Variants in PIGV observed in about 807,000 individuals in gnomAD.
PIGV encodes the protein GPI alpha-1,6-mannosyltransferase 2.
A neutral mutation model predicts 39.2 loss-of-function variants in PIGV; 27 were observed. The observed-to-expected ratio is 0.69, with a 90% confidence interval of 0.51 to 0.95. PIGV has a LOEUF of 0.95. Among genes scored for constraint, PIGV ranks in the 40% least tolerant of loss-of-function variants. The pLI is 0.00. For missense variants in PIGV, 523 were observed against 586.4 expected, an observed-to-expected ratio of 0.89 and a Z score of 1.12; for synonymous variants, 232 against 241.7, an observed-to-expected ratio of 0.96 and a Z score of 0.37.
intron 2 of PIGV, among the ~76,000 whole-genome samples, chr1:26,791,429 C>T (rs2081308471): frequency 6.6e-6 from 1 of 152,208 alleles, no homozygotes; most frequent in South Asian, 2.1e-4. Flanking sequence ...TGCCCGTTTG[C>T]AGCTCCCTTT....
Position 26,794,711 on chromosome 1 carries a change from C to T in PIGV, c.677C>T (p.Thr226Met), listed in dbSNP as rs942066811. The change falls in exon 3 of 4, where the codon ACG becomes ATG. Residue 226 changes from threonine (T) to methionine (M), a missense_variant. Thr to Met is a moderately conservative substitution (Grantham distance 81, BLOSUM62 -1). Transcript: ENST00000674202. The stretch of plus-strand genomic sequence containing the variant: ...TGCCAAGGCTTTTTCTCTTCTCTAA[C>T]GATGCTGAATCCTCTGAGACAGCTC... ...SQCQGFFSSL[T>M]MLNPLRQLFK... 7 of 1,614,100 alleles carry T rather than the reference C, an allele frequency of 4.3e-6. No individual in the cohort carries two copies. Among genetic ancestry groups the T allele is most frequent in the South Asian group, 3.3e-5 (3 of 91,088 alleles).
At position 26,794,610 on chromosome 1, in the gene PIGV, T is replaced by A; in HGVS notation, c.576T>A (p.Ser192Arg). 1 of 1,614,250 alleles carries A rather than the reference T, an allele frequency of 6.2e-7. No individual in the cohort carries two copies. Among genetic ancestry groups the A allele is most frequent in the Non-Finnish European group, 8.5e-7 (1 of 1,180,030 alleles). Residue 192 changes from serine (S) to arginine (R), a missense_variant, in exon 3 of 4, where the codon AGT becomes AGA. By Grantham distance (110) the Ser-to-Arg change is moderately radical. Transcript: ENST00000674202. ...GQLERGRVWT[S>R]VLLFAFATGV... The stretch of plus-strand genomic sequence containing the variant: ...TGGAGAGGGGCCGAGTCTGGACTAG[T>A]GTACTCCTCTTTGCCTTTGCCACTG...
chr1:26,794,658 C>G lies in PIGV; in HGVS notation c.624C>G (p.Val208=). 1 of 1,614,232 alleles carries G rather than the reference C, an allele frequency of 6.2e-7. No homozygotes were observed. The highest frequency in any genetic ancestry group is 1.1e-5 in the South Asian group (1 of 91,078). Residue 208 remains valine (V), a synonymous_variant, in exon 3 of 4, where the codon GTC becomes GTG. Coordinates refer to ENST00000674202, the MANE Select transcript of PIGV (RefSeq NM_017837.4). The stretch of plus-strand genomic sequence containing the variant: ...CTGGGGTACGCTCCAACGGGCTGGT[C>G]AGTGTTGGCTTCCTCATGCATTCTC... ...FATGVRSNGL[V]SVGFLMHSQC...
chr1:26,789,452 G>A (rs1239937944), intron 1 of PIGV, among the ~76,000 whole-genome samples: 2 of 152,192 alleles, frequency 1.3e-5, no homozygotes, highest in Non-Finnish European at 2.9e-5. Context: ...CTCTTGACAT[G>A]AGATATGATG....
chr1:26,795,478 T>C (rs1244071175), intron 3 of PIGV, among the ~76,000 whole-genome samples: 3 of 151,992 alleles, frequency 2.0e-5, no homozygotes, highest in Non-Finnish European at 4.4e-5. Flanking sequence ...TTTGGGAGGC[T>C]GAGGTGGGTG....
At chr1:26,791,168 T>G (rs916529743) in intron 2 of PIGV, among the ~76,000 whole-genome samples, 1 of 152,174 alleles carries the variant, frequency 6.6e-6, no homozygotes, top group African/African-American at 2.4e-5. Flanking sequence ...TTTGACCCCA[T>G]GTTTCCTAAC....
chr1:26,794,348 T>TA lies in PIGV; in HGVS notation c.315dup (p.Arg106ThrfsTer31), dbSNP rs748608427. 20 of 1,614,104 alleles carry TA rather than the reference T, an allele frequency of 1.2e-5. No homozygotes were observed. Among genetic ancestry groups the TA allele is most frequent in the Non-Finnish European group, 1.6e-5 (19 of 1,180,020 alleles). On this transcript the variant is annotated frameshift_variant, in exon 3 of 4. Coordinates refer to ENST00000674202, the MANE Select transcript of PIGV (RefSeq NM_017837.4). LOFTEE classifies it high-confidence loss of function. ...GTGGGGACTGAACTGTTGAGACCCT[T>TA]ACGGGGGTTACTGAGTCTACGCAGT... is the stretch of plus-strand genomic sequence containing the variant.
Position 26,799,270 on chromosome 1 carries a change from G to A in PIGV, c.*1426G>A, listed in dbSNP as rs191697246. On this transcript the variant is annotated 3_prime_UTR_variant, in exon 4 of 4. Coordinates refer to ENST00000674202, the MANE Select transcript of PIGV (RefSeq NM_017837.4). Reference sequence around the variant, plus strand: ...CATGGGTCAGAGGCGCCAACACGGCGGCAGGAATTGGTAAATTGTACGTAA... The same window carrying A: ...CATGGGTCAGAGGCGCCAACACGGCAGCAGGAATTGGTAAATTGTACGTAA... 5.4e-4 allele frequency among the ~76,000 whole-genome samples: 82 copies of A among 152,274 alleles called. No individual in the cohort carries two copies. Among genetic ancestry groups the A allele is most frequent in the African/African-American group, 1.5e-3 (62 of 41,554 alleles).
In PIGV at chr1:26,797,813, T is replaced by A; in HGVS notation, c.1451T>A (p.Leu484His). The A allele has an allele frequency of 2.5e-6, 4 of 1,614,188 alleles. No individual in the cohort carries two copies. Among genetic ancestry groups the A allele is most frequent in the Non-Finnish European group, 3.4e-6 (4 of 1,180,014 alleles). Residue 484 changes from leucine (L) to histidine (H), a missense_variant, in exon 4 of 4, where the codon CTC (leucine) becomes CAC (histidine). Transcript: ENST00000674202. ...CTGACTTACTGGCTCCTGGGACTAC[T>A]CCTACATTGCAACTTCCTGCCTTGG... is the stretch of plus-strand genomic sequence containing the variant. ...YFLTYWLLGLLLHCNFLPWT is the reference protein window; with the variant it reads ...YFLTYWLLGLHLHCNFLPWT
upstream of PIGV, among the ~76,000 whole-genome samples, chr1:26,787,157 G>A (rs529000019): frequency 6.6e-6 from 1 of 152,348 alleles, no homozygotes; most frequent in South Asian, 2.1e-4. Context: ...AACGGAGAAG[G>A]ATTTATCATC....
intron 3 of PIGV, 86 bp downstream of exon 3, chr1:26,795,320 G>C: frequency 6.9e-7 from 1 of 1,448,684 alleles, no homozygotes; most frequent in Non-Finnish European, 9.6e-7. Context: ...AACATCTCCC[G>C]TTTGAGTGAT....
At chr1:26,792,191 C>T (rs2081318402) in intron 2 of PIGV, among the ~76,000 whole-genome samples, 1 of 152,008 alleles carries the variant, frequency 6.6e-6, no homozygotes, top group Non-Finnish European at 1.5e-5. Context: ...TCGCCCTGTC[C>T]CCCCAGGCTG....
At chr1:26,789,929 A>G (rs2081289241) in intron 1 of PIGV, among the ~76,000 whole-genome samples, 1 of 152,124 alleles carries the variant, frequency 6.6e-6, no homozygotes, top group Non-Finnish European at 1.5e-5. Context: ...GACTCCTTTT[A>G]GCTCAAGGAA....
At chr1:26,792,742 G>A (rs1394715959) in intron 2 of PIGV, among the ~76,000 whole-genome samples, 2 of 152,226 alleles carry the variant, frequency 1.3e-5, no homozygotes, top group Non-Finnish European at 2.9e-5. Flanking sequence ...GTCTCTGTCA[G>A]TGACAGCTAA....
intron 3 of PIGV, among the ~76,000 whole-genome samples, chr1:26,796,646 G>C (rs1427227462): frequency 6.6e-6 from 1 of 152,206 alleles, no homozygotes; most frequent in Non-Finnish European, 1.5e-5. Context: ...AAACACGAGG[G>C]TTGTGAAAGG....
At chr1:26,796,316 C>T (rs1305309028) in intron 3 of PIGV, among the ~76,000 whole-genome samples, 1 of 151,954 alleles carries the variant, frequency 6.6e-6, no homozygotes, top group Non-Finnish European at 1.5e-5. Context: ...CTACAGGCAC[C>T]TGCCACCATG....
At position 26,797,634 on chromosome 1, in the gene PIGV, A is replaced by G. The variant is rs1356659073; in HGVS notation, c.1272A>G (p.Gln424=). The G allele has an allele frequency of 6.2e-7, 1 of 1,614,066 alleles. No individual in the cohort carries two copies. The highest frequency in any genetic ancestry group is 1.1e-5 in the South Asian group (1 of 91,084). ...TTCCAGCTCACTTGCTTCAGGATCAAGAGCCGCTGTTGAGATCCTTAAAGA... is the reference window on the plus strand; with the variant it reads ...TTCCAGCTCACTTGCTTCAGGATCAGGAGCCGCTGTTGAGATCCTTAAAGA... ...YWFPAHLLQD[Q]EPLLRSLKTV... The change falls in exon 4 of 4, where the codon CAA becomes CAG. Residue 424 remains glutamine (Q), a synonymous_variant. Coordinates refer to ENST00000674202, the MANE Select transcript of PIGV (RefSeq NM_017837.4).
chr1:26,787,830 G>C (rs2081255256), upstream of PIGV: 2 of 152,312 alleles, frequency 1.3e-5, no homozygotes, highest in African/African-American at 2.4e-5. Flanking sequence ...ACGAGGCGAG[G>C]CGCCGAGCGG....
intron 2 of PIGV, among the ~76,000 whole-genome samples, chr1:26,791,942 A>G (rs972814413): frequency 3.9e-5 from 6 of 152,256 alleles, no homozygotes; most frequent in Admixed American, 1.3e-4. Context: ...CAAAGGAGCA[A>G]TGCTGCAAGT....
Sources: gnomAD v4.1 joint callset for allele counts (sites outside exome capture counted in the v4.1 genomes callset) on GRCh38, gnomAD v4.1.1 for gene constraint, MANE v1.5 for transcripts, NCBI Gene and HGNC (gene_info 2026-07-23, HGNC 2026-07-21) for gene names.